MIOS: variants seen among roughly 807,000 people sequenced by gnomAD.
The protein encoded by MIOS is meiosis regulator for oocyte development, also known as GATOR2 complex protein MIOS.
MIOS carries 52 observed loss-of-function variants against 96.9 expected under a neutral mutation model. The observed-to-expected ratio is 0.54, with a 90% confidence interval of 0.43 to 0.68. The LOEUF is 0.68. MIOS is among the 30% of genes least tolerant of loss of function. The pLI, the probability that MIOS is intolerant of heterozygous loss-of-function variation, is 0.00. For synonymous variants in MIOS, 397 were observed against 359.5 expected, an observed-to-expected ratio of 1.10 and a Z score of -1.18; for missense variants, 1,005 against 1,052.8, an observed-to-expected ratio of 0.95 and a Z score of 0.63.
rs376843008 is a variant in MIOS at position 7,597,120 on chromosome 7, A to C, written c.2401+659A>C. ...GGCTGGCAGATCACAAGGTCAGAAG[A>C]TCAAGACCATCCTGGCAAACATCGT... On this transcript the variant is annotated intron_variant, in intron 11 of 12. Coordinates refer to ENST00000340080, the MANE Select transcript of MIOS (RefSeq NM_019005.4). 3.9e-5 allele frequency among the ~76,000 whole-genome samples: 6 copies of C among 152,018 alleles called. No individual in the cohort carries two copies. The East Asian group carries it at 9.7e-4, about 25-fold the overall frequency.
At chr7:7,592,935 T>C (rs1481801541) in intron 9 of MIOS, among the ~76,000 whole-genome samples, 2 of 152,222 alleles carry the variant, frequency 1.3e-5, no homozygotes, top group Non-Finnish European at 2.9e-5. Flanking sequence ...AGATTCCTTA[T>C]CTCTTCACTA....
chr7:7,583,002 A>G, intron 5 of MIOS, 116 bp from the exon 6 acceptor site: 1 of 1,190,252 alleles, frequency 8.4e-7, no homozygotes, highest in East Asian at 2.6e-5. Context: ...ACTATCATAA[A>G]ATTATGGCCG....
chr7:7,596,149 A>T, intron 10 of MIOS, 108 bp from the exon 11 acceptor site: 1 of 937,592 alleles, frequency 1.1e-6, no homozygotes, highest in African/African-American at 1.7e-5. Context: ...AATATAAAAT[A>T]AAGTTTTTTA....
At chr7:7,583,467 C>G in intron 6 of MIOS, 95 bp downstream of exon 6, 3 of 1,286,256 alleles carry the variant, frequency 2.3e-6, no homozygotes, top group Non-Finnish European at 3.1e-6. Context: ...TTTCAAATAT[C>G]TAATCACTTA....
chr7:7,598,961 G>T (rs1784293819), intron 11 of MIOS, among the ~76,000 whole-genome samples: 1 of 151,668 alleles, frequency 6.6e-6, no homozygotes, highest in Admixed American at 6.6e-5. Flanking sequence ...ATACATATTT[G>T]AACACTGATT....
intron 6 of MIOS, 76 bp from the exon 7 acceptor site, chr7:7,585,560 A>G (rs1783862663): frequency 1.5e-6 from 2 of 1,318,242 alleles, no homozygotes; most frequent in East Asian, 2.7e-5. Flanking sequence ...TCTGATTTCT[A>G]TTTATGGTTT....
chr7:7,599,449 A>G (rs1038264323), intron 11 of MIOS, among the ~76,000 whole-genome samples: 4 of 152,200 alleles, frequency 2.6e-5, no homozygotes, highest in African/African-American at 4.8e-5. Context: ...AAAGTGGGAA[A>G]TATTACTTCT....
intron 7 of MIOS, among the ~76,000 whole-genome samples, chr7:7,586,564 G>T (rs978739769): frequency 6.6e-6 from 1 of 152,070 alleles, no homozygotes; most frequent in Non-Finnish European, 1.5e-5. Flanking sequence ...GTTTGCTACT[G>T]TACCATTTCT....
intron 6 of MIOS, 64 bp from the exon 7 acceptor site, chr7:7,585,572 A>G: frequency 7.2e-7 from 1 of 1,383,862 alleles, no homozygotes; most frequent in Non-Finnish European, 9.6e-7. Context: ...TTATGGTTTA[A>G]GAAATGTAGA....
chr7:7,583,447 G>T, intron 6 of MIOS, 75 bp downstream of exon 6: 2 of 1,393,228 alleles, frequency 1.4e-6, no homozygotes, highest in South Asian at 1.8e-5. Context: ...AAAGAAAAGA[G>T]GCTAATAATT....
chr7:7,573,335 C>T lies in MIOS; in HGVS notation c.860C>T (p.Thr287Ile), dbSNP rs1297951007. ...AGGACTGGTCTACTTGCCACTTTAA[C>T]AAGGGATAGTAATATTATTAGATTG... Reference protein sequence around the residue: ...PTRTGLLATLTRDSNIIRLYD... With the variant: ...PTRTGLLATLIRDSNIIRLYD... Residue 287 changes from threonine (T) to isoleucine (I), a missense_variant, in exon 4 of 13, where the codon ACA (threonine) becomes ATA (isoleucine). By Grantham distance (89) the Thr-to-Ile change is moderately conservative. Coordinates refer to ENST00000340080, the MANE Select transcript of MIOS (RefSeq NM_019005.4). The surrounding 1 kb of genome is among the most constrained non-coding windows in gnomAD (Gnocchi z 5.0). The T allele has an allele frequency of 3.7e-6, 6 of 1,614,098 alleles. No individual in the cohort carries two copies. The highest frequency in any genetic ancestry group is 5.1e-6 in the Non-Finnish European group (6 of 1,179,974).
chr7:7,569,092 T>C (rs1381678123), intron 3 of MIOS, among the ~76,000 whole-genome samples: 1 of 152,228 alleles, frequency 6.6e-6, no homozygotes, highest in African/African-American at 2.4e-5. Flanking sequence ...ATTTAAACAT[T>C]GATTTTTCAA....
At chr7:7,593,878 C>CA (rs1784119455) in intron 9 of MIOS, among the ~76,000 whole-genome samples, 1 of 71,972 alleles carries the variant, frequency 1.4e-5, no homozygotes, top group South Asian at 4.5e-4. Context: ...GACTCTGTCT[C>CA]CAAAAAAAAA....
At chr7:7,588,463 T>C (rs1429738657) in intron 7 of MIOS, 35 bp from the exon 8 acceptor site, 1 of 1,467,890 alleles carries the variant, frequency 6.8e-7, no homozygotes, top group Non-Finnish European at 9.3e-7. Context: ...CCAGTGCGCC[T>C]AGAAGTAACT....
At chr7:7,583,038 A>T (rs796737068) in intron 5 of MIOS, 80 bp from the exon 6 acceptor site, 1 of 1,383,902 alleles carries the variant, frequency 7.2e-7, no homozygotes, top group African/African-American at 1.5e-5. Context: ...TAAATGTGTC[A>T]ACATAGTTCT....
At chr7:7,595,227 C>G in intron 10 of MIOS, 95 bp downstream of exon 10, 1 of 1,297,734 alleles carries the variant, frequency 7.7e-7, no homozygotes, top group East Asian at 2.5e-5. Flanking sequence ...ATATTGAGTT[C>G]CCATTGATGT....
At chr7:7,590,975 T>C (rs1289295905) in intron 9 of MIOS, among the ~76,000 whole-genome samples, 1 of 152,210 alleles carries the variant, frequency 6.6e-6, no homozygotes, top group African/African-American at 2.4e-5. Context: ...TTTACAGATA[T>C]TATATACTCC....
chr7:7,578,463 C>T (rs554613387), intron 5 of MIOS, among the ~76,000 whole-genome samples: 1 of 152,162 alleles, frequency 6.6e-6, no homozygotes, highest in East Asian at 1.9e-4. Flanking sequence ...AGTTTGAAAC[C>T]AGTCTGGGTT....
In MIOS at chr7:7,608,369, C is replaced by G. The variant is rs1036917775; in HGVS notation, c.*1277C>G. ...AGAGCTTTCGTATTAGCAGTTTTGC[C>G]TTATAAAAACTAAGATTTGTCAGAT... On this transcript the variant is annotated 3_prime_UTR_variant, in exon 13 of 13. Coordinates refer to ENST00000340080, the MANE Select transcript of MIOS (RefSeq NM_019005.4). The G allele has an allele frequency of 2.0e-5, 3 of 151,846 alleles. No individual in the cohort carries two copies. Among genetic ancestry groups the G allele is most frequent in the Admixed American group, 1.3e-4 (2 of 15,230 alleles). The allele number at this position is 151,846 out of a possible 1,614,324, so 9.4% of individuals were successfully genotyped here.
Sources: allele counts gnomAD v4.1 joint callset (sites outside exome capture counted in the v4.1 genomes callset), GRCh38; gene constraint gnomAD v4.1.1; non-coding constraint Gnocchi (gnomAD v3.1); transcripts MANE v1.5; gene names NCBI Gene and HGNC (gene_info 2026-07-23, HGNC 2026-07-21).